The following TMEM117 variants were observed in gnomAD, a reference collection of about 807,000 sequenced individuals.
TMEM117 encodes the protein transmembrane protein 117.
Under a neutral mutation model 52.4 loss-of-function variants are expected in TMEM117, and 27 were observed. That is an observed-to-expected ratio of 0.51 (90% confidence interval 0.38 to 0.71). The LOEUF (loss-of-function observed/expected upper bound fraction) is 0.71. TMEM117 is among the 30% of genes least tolerant of loss of function. TMEM117 has a pLI of 0.00. For missense variants in TMEM117, 556 were observed against 630.5 expected, an observed-to-expected ratio of 0.88 and a Z score of 1.26; for synonymous variants, 215 against 206.3, an observed-to-expected ratio of 1.04 and a Z score of -0.36.
chr12:43,931,981 T>C (rs538029085), intron 2 of TMEM117, among the ~76,000 whole-genome samples: 3 of 152,310 alleles, frequency 2.0e-5, no homozygotes, highest in East Asian at 3.9e-4. Flanking sequence ...AGATTTTAAG[T>C]TTGCTTACTG....
intron 4 of TMEM117, among the ~76,000 whole-genome samples, chr12:44,147,613 G>A (rs1001791764): frequency 6.6e-6 from 1 of 151,988 alleles, no homozygotes; most frequent in African/African-American, 2.4e-5. Context: ...GAGGGGTATA[G>A]ATAAGGTAAA....
At chr12:44,040,413 A>T (rs906721918) in intron 3 of TMEM117, among the ~76,000 whole-genome samples, 1 of 152,180 alleles carries the variant, frequency 6.6e-6, no homozygotes, top group African/African-American at 2.4e-5. Context: ...ACTGTTATAA[A>T]TATATTTCCT....
chr12:44,057,028 T>G (rs1294769266), intron 3 of TMEM117, among the ~76,000 whole-genome samples: 1 of 152,180 alleles, frequency 6.6e-6, no homozygotes, highest in African/African-American at 2.4e-5. Context: ...GCCAGAGATC[T>G]CCACCTTATT....
At chr12:44,143,856 G>GATCT (rs754341748) in intron 4 of TMEM117, among the ~76,000 whole-genome samples, 45 of 152,014 alleles carry the variant, frequency 3.0e-4, no homozygotes, top group Non-Finnish European at 3.8e-4. Flanking sequence ...TCTGTCGATC[G>GATCT]ATCTATCTAT....
At chr12:44,221,072 G>A (rs1301056513) in intron 5 of TMEM117, among the ~76,000 whole-genome samples, 5 of 152,196 alleles carry the variant, frequency 3.3e-5, no homozygotes, top group South Asian at 2.1e-4. Context: ...GGAAAGTGGC[G>A]GAAAGTAGCT....
At chr12:44,078,045 A>G (rs1947410962) in intron 3 of TMEM117, among the ~76,000 whole-genome samples, 1 of 152,194 alleles carries the variant, frequency 6.6e-6, no homozygotes, top group Non-Finnish European at 1.5e-5. Flanking sequence ...CCAAAGAGAC[A>G]GTATTCAGAA....
intron 4 of TMEM117, among the ~76,000 whole-genome samples, chr12:44,174,691 TAC>T (rs1949094854): frequency 6.6e-6 from 1 of 152,192 alleles, no homozygotes; most frequent in Non-Finnish European, 1.5e-5. Context: ...GTAAATAAGA[TAC>T]ACAGAGTTCT....
chr12:44,265,033 A>G (rs1950360947), intron 5 of TMEM117, among the ~76,000 whole-genome samples: 1 of 152,174 alleles, frequency 6.6e-6, no homozygotes, highest in Non-Finnish European at 1.5e-5. Flanking sequence ...AATGAGAAAC[A>G]AGCCAAAGAA....
chr12:44,003,347 A>T (rs959014994), intron 3 of TMEM117, among the ~76,000 whole-genome samples: 2 of 152,100 alleles, frequency 1.3e-5, no homozygotes, highest in Non-Finnish European at 2.9e-5. Flanking sequence ...GGTAGGCTTG[A>T]CCCACTCACA....
chr12:44,223,847 A>C (rs1388978829), intron 5 of TMEM117, among the ~76,000 whole-genome samples: 1 of 152,148 alleles, frequency 6.6e-6, no homozygotes, highest in East Asian at 1.9e-4. Context: ...AAAAATACCA[A>C]AGCTGCCAAG....
At chr12:44,134,574 A>G (rs1466544701) in intron 3 of TMEM117, among the ~76,000 whole-genome samples, 1 of 152,228 alleles carries the variant, frequency 6.6e-6, no homozygotes, top group Non-Finnish European at 1.5e-5. Context: ...CCCATTTCCT[A>G]GAGCAGTGCC....
intron 4 of TMEM117, among the ~76,000 whole-genome samples, chr12:44,174,921 G>A (rs938345078): frequency 2.0e-5 from 3 of 152,244 alleles, no homozygotes; most frequent in East Asian, 3.9e-4. Context: ...CAACGGGCAC[G>A]GAGTCTCCTG....
At chr12:43,992,147 TG>T (rs1270599661) in intron 3 of TMEM117, among the ~76,000 whole-genome samples, 1 of 151,904 alleles carries the variant, frequency 6.6e-6, no homozygotes, top group Non-Finnish European at 1.5e-5. Flanking sequence ...CACTCCAGTC[TG>T]GGTGAATGAG....
chr12:44,235,197 TA>T (rs1035363622), intron 5 of TMEM117, among the ~76,000 whole-genome samples: 162 of 151,734 alleles, frequency 1.1e-3, no homozygotes, highest in African/African-American at 3.7e-3. Flanking sequence ...TCTCTAGATA[TA>T]TTTTTTTGAC....
chr12:44,150,975 C>A (rs975011345), intron 4 of TMEM117, among the ~76,000 whole-genome samples: 4 of 151,982 alleles, frequency 2.6e-5, no homozygotes, highest in Non-Finnish European at 5.9e-5. Flanking sequence ...TCAAATAATT[C>A]CATAGTATGT....
intron 4 of TMEM117, among the ~76,000 whole-genome samples, chr12:44,163,735 T>A (rs1251559507): frequency 6.6e-6 from 1 of 152,180 alleles, no homozygotes; most frequent in African/African-American, 2.4e-5. Context: ...TTAAGAGCAT[T>A]GTTGGATTGC....
intron 3 of TMEM117, among the ~76,000 whole-genome samples, chr12:44,129,174 C>G (rs1486096581): frequency 6.6e-6 from 1 of 152,196 alleles, no homozygotes; most frequent in African/African-American, 2.4e-5. Context: ...GTTTCTAACC[C>G]CAGAATGGTG....
At chr12:43,829,478 GAAGTC>G in the TMEM117 span, among the ~76,000 whole-genome samples, 2 of 152,176 alleles carry the variant, frequency 1.3e-5, no homozygotes. Context: ...TACTTTACAT[GAAGTC>G]AAGAGCTCTC....
chr12:44,079,469 A>G (rs1002066490), intron 3 of TMEM117, among the ~76,000 whole-genome samples: 23 of 152,098 alleles, frequency 1.5e-4, no homozygotes, highest in Non-Finnish European at 2.8e-4. Context: ...ACCAGTGATG[A>G]TGAGCTTTTT....
Sources: gnomAD v4.1 joint callset for allele counts (sites outside exome capture counted in the v4.1 genomes callset) on GRCh38, gnomAD v4.1.1 for gene constraint, MANE v1.5 for transcripts, NCBI Gene and HGNC (gene_info 2026-07-23, HGNC 2026-07-21) for gene names.